LEP: variants seen among roughly 807,000 people sequenced by gnomAD.
LEP encodes the protein leptin, also known as leptin (murine obesity homolog).
In LEP, 6 loss-of-function variants were observed where a neutral mutation model predicts 9.8. The observed-to-expected ratio is 0.61, with a 90% CI of 0.34 to 1.21. The LOEUF (loss-of-function observed/expected upper bound fraction) is 1.21. Ranked by LOEUF, LEP falls within the 50% of genes most tolerant of loss-of-function variation. The pLI, the probability that LEP is intolerant of heterozygous loss-of-function variation, is 0.04. For missense variants in LEP, 134 were observed against 198.1 expected (o/e 0.68, Z 1.94); for synonymous variants, 112 against 81.7 (o/e 1.37, Z -2.00).
intron 1 of LEP, among the ~76,000 whole-genome samples, chr7:128,249,428 A>G (rs1795249670): frequency 6.6e-6 from 1 of 152,204 alleles, no homozygotes; most frequent in African/African-American, 2.4e-5. Context: ...TACCATATCT[A>G]TAGTCCAGGC....
rs1005683024 is a variant in LEP, at chr7:128,244,834, C to A, written c.-29+3528C>A. 2.0e-5 allele frequency among the ~76,000 whole-genome samples: 3 copies of A among 152,122 alleles called. No individual in the cohort carries two copies. In the East Asian group the frequency reaches 5.8e-4, roughly 29 times the overall value. ...ATGTGGCTACCCTAGAGCTTCTGAG[C>A]CCTCAACAGAGATGAACTGGACTCT... On this transcript the variant is annotated intron_variant, in intron 1 of 2. Transcript: ENST00000308868.
intron 1 of LEP, among the ~76,000 whole-genome samples, chr7:128,246,895 T>A (rs1429340530): frequency 3.3e-5 from 5 of 152,042 alleles, no homozygotes; most frequent in African/African-American, 9.7e-5. Flanking sequence ...AGGCAGCCTG[T>A]GGAGAGGGCA....
intron 1 of LEP, among the ~76,000 whole-genome samples, chr7:128,248,087 G>A (rs954008113): frequency 1.3e-5 from 2 of 152,206 alleles, no homozygotes; most frequent in African/African-American, 4.8e-5. Context: ...GAGGTCAGGA[G>A]TTCAAGACCA....
intron 1 of LEP, among the ~76,000 whole-genome samples, chr7:128,244,434 A>G (rs1210573829): frequency 6.6e-6 from 1 of 152,188 alleles, no homozygotes; most frequent in Non-Finnish European, 1.5e-5. Context: ...TTGGTTGCAA[A>G]TAAGAGAAAA....
chr7:128,251,069 A>G (rs1379275757), intron 1 of LEP, among the ~76,000 whole-genome samples: 1 of 152,168 alleles, frequency 6.6e-6, no homozygotes, highest in Non-Finnish European at 1.5e-5. Context: ...TTTCTCAGCC[A>G]CTATGGCAAC....
intron 1 of LEP, among the ~76,000 whole-genome samples, chr7:128,243,101 T>A (rs1240482432): frequency 6.6e-6 from 1 of 152,206 alleles, no homozygotes; most frequent in African/African-American, 2.4e-5. Flanking sequence ...CACACAGTTG[T>A]CTCAGAGAAA....
At chr7:128,254,016 G>C (rs1562932447) in intron 2 of LEP, among the ~76,000 whole-genome samples, 2 of 152,068 alleles carry the variant, frequency 1.3e-5, no homozygotes, top group East Asian at 1.9e-4. Flanking sequence ...GGAGGACTCG[G>C]CTGGGGGTAG....
At chr7:128,249,733 G>A (rs1248945648) in intron 1 of LEP, among the ~76,000 whole-genome samples, 1 of 152,196 alleles carries the variant, frequency 6.6e-6, no homozygotes, top group African/African-American at 2.4e-5. Flanking sequence ...ATGTTTGTAT[G>A]AGCATGTGTG....
Position 128,256,216 on chromosome 7 carries a change from A to G in LEP, c.*1453A>G, listed in dbSNP as rs1795338231. 6.6e-6 allele frequency: 1 copy of G among 152,176 alleles called. No individual in the cohort carries two copies. Among genetic ancestry groups the G allele is most frequent in the African/African-American group, 2.4e-5 (1 of 41,348 alleles). 9.4% of individuals were successfully genotyped at this position (152,176 alleles called of 1,614,324 possible). A position where few individuals can be genotyped will look rare whatever the true frequency, so the allele number is the denominator to read the frequency against. Reference sequence around the variant, plus strand: ...CAAGCACTGCTAGGCGAGTGCCAGGACTCCCCAGGCCAGGCCACCAGGATG... The same window carrying G: ...CAAGCACTGCTAGGCGAGTGCCAGGGCTCCCCAGGCCAGGCCACCAGGATG... On this transcript the variant is annotated 3_prime_UTR_variant, in exon 3 of 3. Coordinates refer to ENST00000308868, the MANE Select transcript of LEP (RefSeq NM_000230.3).
At chr7:128,245,082 G>C (rs1371723534) in intron 1 of LEP, among the ~76,000 whole-genome samples, 1 of 151,922 alleles carries the variant, frequency 6.6e-6, no homozygotes, top group Non-Finnish European at 1.5e-5. Flanking sequence ...GTGTCTCTTG[G>C]GTAGGTTAGA....
At chr7:128,242,571 C>T (rs925928866) in intron 1 of LEP, among the ~76,000 whole-genome samples, 2 of 152,232 alleles carry the variant, frequency 1.3e-5, no homozygotes. Flanking sequence ...CTTTTAGGTT[C>T]TTTCCCTTCC....
chr7:128,251,907 G>A (rs557226136), intron 1 of LEP, 84 bp from the exon 2 acceptor site: 28 of 1,109,646 alleles, frequency 2.5e-5, no homozygotes, highest in East Asian at 1.2e-4. Context: ...TTTCATCCCC[G>A]TCTGGTAATG....
chr7:128,244,524 C>T lies in LEP; in HGVS notation c.-29+3218C>T, dbSNP rs1584602505. ...AAAAGAGCCGAGACTCTCAAGAGTG[C>T]ATTACCCACGGTAAGGGTGAATTTT... is the stretch of plus-strand genomic sequence containing the variant. On this transcript the variant is annotated intron_variant, in intron 1 of 2. Coordinates refer to ENST00000308868, the MANE Select transcript of LEP (RefSeq NM_000230.3). 7.2e-5 allele frequency among the ~76,000 whole-genome samples: 11 copies of T among 152,352 alleles called. No individual in the cohort carries two copies. The South Asian group carries it at 2.3e-3, about 32-fold the overall frequency.
chr7:128,255,739 C>A lies in LEP; in HGVS notation c.*976C>A, dbSNP rs532593154. On this transcript the variant is annotated 3_prime_UTR_variant, in exon 3 of 3. Coordinates refer to ENST00000308868, the MANE Select transcript of LEP (RefSeq NM_000230.3). ...CTTAGGATGTTTTTCATGAAAATAGCTCTTTCAGGGGGGTTGTGAGGCCTG... is the reference window on the plus strand; with the variant it reads ...CTTAGGATGTTTTTCATGAAAATAGATCTTTCAGGGGGGTTGTGAGGCCTG... 6.6e-6 allele frequency: 1 copy of A among 152,284 alleles called. No individual in the cohort carries two copies. 9.4% of individuals were successfully genotyped at this position (152,284 alleles called of 1,614,324 possible).
In LEP at chr7:128,251,974, G is replaced by A. The variant is rs1189564228; in HGVS notation, c.-28-17G>A. 22 of 1,607,976 alleles carry A rather than the reference G, an allele frequency of 1.4e-5. No homozygotes were observed. The highest frequency in any genetic ancestry group is 1.7e-5 in the Non-Finnish European group (20 of 1,174,616). On this transcript the variant is annotated splice_polypyrimidine_tract_variant and intron_variant, in intron 1 of 2. Coordinates refer to ENST00000308868, the MANE Select transcript of LEP (RefSeq NM_000230.3). ...AGATACCGGCTCCTTGCAGTGTGTG[G>A]TTCCTTCTGTTTTCAGGCCCAAGAA...
chr7:128,252,832 T>G (rs917613076), intron 2 of LEP, among the ~76,000 whole-genome samples: 1 of 152,074 alleles, frequency 6.6e-6, no homozygotes, highest in Admixed American at 6.5e-5. Context: ...GGAGGATCAG[T>G]TGAGGCCAGG....
chr7:128,253,847 C>T (rs1795303484), intron 2 of LEP, among the ~76,000 whole-genome samples: 2 of 152,206 alleles, frequency 1.3e-5, no homozygotes, highest in African/African-American at 4.8e-5. Flanking sequence ...ACGGGAGCCC[C>T]GGGTAGTAAC....
Position 128,257,612 on chromosome 7 carries a change from A to T in LEP, c.*2849A>T. The T allele has an allele frequency of 6.6e-6, 1 of 152,014 alleles. No homozygotes were observed. Among genetic ancestry groups the T allele is most frequent in the East Asian group, 1.9e-4 (1 of 5,188 alleles). The allele number at this position is 152,014 out of a possible 1,614,324, so 9.4% of individuals were successfully genotyped here. ...TTTGTTTTTAAAAAAATCTAAATAA[A>T]ATAACTTTGCCCCCTGCTCTTTGTT... On this transcript the variant is annotated 3_prime_UTR_variant, in exon 3 of 3. Transcript: ENST00000308868.
intron 1 of LEP, among the ~76,000 whole-genome samples, chr7:128,251,196 C>G (rs1180244234): frequency 6.6e-6 from 1 of 152,154 alleles, no homozygotes; most frequent in Non-Finnish European, 1.5e-5. Context: ...TTGCAAAGCT[C>G]TTTCCTCCTG....
Sources: gnomAD v4.1 joint callset for allele counts (sites outside exome capture counted in the v4.1 genomes callset) on GRCh38, gnomAD v4.1.1 for gene constraint, MANE v1.5 for transcripts, NCBI Gene and HGNC (gene_info 2026-07-23, HGNC 2026-07-21) for gene names.